PDE4D: variants seen among roughly 807,000 people sequenced by gnomAD.
The protein encoded by PDE4D is 3',5'-cyclic-AMP phosphodiesterase 4D.
Under a neutral mutation model 87.4 loss-of-function variants are expected in PDE4D, and 24 were observed. The ratio of observed to expected loss-of-function variants is 0.27; its 90% CI spans 0.20 to 0.39. PDE4D has a LOEUF of 0.39. Among genes scored for constraint, PDE4D ranks in the 10% least tolerant of loss-of-function variants. The pLI is 1.00. For synonymous variants in PDE4D, 384 were observed against 383.2 expected (o/e 1.00, Z -0.02); for missense variants, 714 against 1,041.0 (o/e 0.69, Z 4.32).
intron 3 of PDE4D, among the ~76,000 whole-genome samples, chr5:59,909,403 T>TC (rs1406794164): frequency 1.3e-5 from 2 of 151,322 alleles, no homozygotes; most frequent in African/African-American, 4.9e-5. Context: ...GGATTTTTTT[T>TC]TTCTTTTGAG....
chr5:59,615,444 C>T (rs1287143607), intron 1 of PDE4D, among the ~76,000 whole-genome samples: 5 of 50,912 alleles, frequency 9.8e-5, no homozygotes, highest in Admixed American at 2.6e-4. Flanking sequence ...ATCATAGGCA[C>T]ATAGATTAAA....
At chr5:60,111,429 A>G (rs1777674313) in intron 2 of PDE4D, among the ~76,000 whole-genome samples, 1 of 152,000 alleles carries the variant, frequency 6.6e-6, no homozygotes, top group African/African-American at 2.4e-5. Flanking sequence ...TCACCCAGAA[A>G]ACAAAAGTAT....
intron 1 of PDE4D, among the ~76,000 whole-genome samples, chr5:59,352,116 C>T (rs1780620370): frequency 6.6e-6 from 1 of 152,106 alleles, no homozygotes; most frequent in Non-Finnish European, 1.5e-5. Context: ...GGATGACATG[C>T]ATGAGCTAAT....
Position 59,817,606 on chromosome 5 carries a change from G to C in PDE4D, c.455+75562C>G, listed in dbSNP as rs188233029. ...CTCAATGTCACTATATCTGAAGATA[G>C]GGCTTTTAGTCAGTAAATAAGTTTA... On this transcript the variant is annotated intron_variant, in intron 1 of 14. Transcript: ENST00000340635. Among the ~76,000 whole-genome samples the C allele has an allele frequency of 2.0e-3, 306 of 152,270 alleles. 2 individuals are homozygous for C. Among genetic ancestry groups the C allele is most frequent in the South Asian group, 0.016 (75 of 4,820 alleles).
rs917165396 is a variant in PDE4D, at chr5:59,831,078, A to C, written c.455+62090T>G. Reference sequence around the variant, plus strand: ...ACCTGCTTAAAGAAGGAGAAAAAATAGTTTCTGAAATGGAATGAGAAAGGG... The same window carrying C: ...ACCTGCTTAAAGAAGGAGAAAAAATCGTTTCTGAAATGGAATGAGAAAGGG... On this transcript the variant is annotated intron_variant, in intron 1 of 14. Transcript: ENST00000340635. Among the ~76,000 whole-genome samples the C allele has an allele frequency of 2.6e-5, 4 of 152,056 alleles. No individual in the cohort carries two copies. In the East Asian group the frequency reaches 7.7e-4, roughly 29 times the overall value.
chr5:59,033,127 T>C (rs1757886097), intron 6 of PDE4D, among the ~76,000 whole-genome samples: 1 of 152,182 alleles, frequency 6.6e-6, no homozygotes, highest in African/African-American at 2.4e-5. Flanking sequence ...TTATAAAAGA[T>C]AAACTATTCT....
chr5:60,078,585 T>C (rs1175908843), intron 2 of PDE4D, among the ~76,000 whole-genome samples: 1 of 152,196 alleles, frequency 6.6e-6, no homozygotes, highest in Admixed American at 6.5e-5. Context: ...TCCCTCTCTG[T>C]GTCCATGTGT....
intron 2 of PDE4D, among the ~76,000 whole-genome samples, chr5:60,136,007 T>C (rs371400638): frequency 6.6e-5 from 10 of 152,162 alleles, no homozygotes; most frequent in African/African-American, 2.4e-4. Context: ...TAATTTTTCA[T>C]TGTACAGGAT....
In PDE4D at chr5:58,970,371, A is replaced by AAAATG. The variant is rs1174744793; in HGVS notation, c.*4292_*4293insCATTT. 1 of 151,330 alleles carries AAAATG rather than the reference A, an allele frequency of 6.6e-6. No homozygotes were observed. Among genetic ancestry groups the AAAATG allele is most frequent in the Non-Finnish European group, 1.5e-5 (1 of 67,980 alleles). The allele number at this position is 151,330 out of a possible 1,614,324, so 9.4% of individuals were successfully genotyped here. ...AAATCTACAGTTTGTGTCAAAAAATAAAATAAAATAAAATAAAATAGGCTC... is the reference window on the plus strand; with the variant it reads ...AAATCTACAGTTTGTGTCAAAAAATAAAATGAAATAAAATAAAATAAAATAGGCTC... On this transcript the variant is annotated 3_prime_UTR_variant, in exon 15 of 15. Coordinates refer to ENST00000340635, the MANE Select transcript of PDE4D (RefSeq NM_001104631.2).
At chr5:59,222,179 G>A (rs1752703057) in intron 1 of PDE4D, among the ~76,000 whole-genome samples, 2 of 152,144 alleles carry the variant, frequency 1.3e-5, no homozygotes, top group African/African-American at 4.8e-5. Context: ...GGAATTACTG[G>A]ATGGTAATAC....
chr5:59,738,023 C>T (rs918935192), intron 1 of PDE4D, among the ~76,000 whole-genome samples: 4 of 152,136 alleles, frequency 2.6e-5, no homozygotes, highest in African/African-American at 9.7e-5. Context: ...ATTTATTATG[C>T]ACTTGCTACT....
intron 1 of PDE4D, among the ~76,000 whole-genome samples, chr5:60,193,657 G>A (rs1425727529): frequency 4.0e-5 from 4 of 99,860 alleles, no homozygotes; most frequent in African/African-American, 1.6e-4. Flanking sequence ...GGGCGACAGC[G>A]AGACTCCGTC....
At chr5:60,049,864 C>T (rs1257309052) in intron 2 of PDE4D, among the ~76,000 whole-genome samples, 3 of 152,206 alleles carry the variant, frequency 2.0e-5, no homozygotes. Flanking sequence ...CAGAGGCAGG[C>T]AGGCCTCCTT....
chr5:60,084,819 C>G (rs374929242), intron 2 of PDE4D, among the ~76,000 whole-genome samples: 2 of 152,114 alleles, frequency 1.3e-5, no homozygotes, highest in Non-Finnish European at 2.9e-5. Context: ...CTACTTTGAA[C>G]TCCCCTAGCC....
At chr5:60,274,721 T>C (rs1056593308) in intron 1 of PDE4D, among the ~76,000 whole-genome samples, 12 of 152,186 alleles carry the variant, frequency 7.9e-5, no homozygotes, top group African/African-American at 2.9e-4. Context: ...CAACCTCAGG[T>C]ACAGAAAACC....
At chr5:59,344,252 G>T (rs1459874284) in intron 1 of PDE4D, among the ~76,000 whole-genome samples, 1 of 152,072 alleles carries the variant, frequency 6.6e-6, no homozygotes, top group African/African-American at 2.4e-5. Context: ...AGATGTATTG[G>T]CCCATGCCTT....
At chr5:59,698,617 T>C (rs57672652) in intron 1 of PDE4D, among the ~76,000 whole-genome samples, 5,125 of 152,188 alleles carry the variant, frequency 0.034, 287 homozygotes, top group African/African-American at 0.12. Flanking sequence ...ATTTTTTCTA[T>C]TTATTTATTT....
intron 1 of PDE4D, among the ~76,000 whole-genome samples, chr5:59,389,943 T>C (rs1350343482): frequency 1.3e-5 from 2 of 152,122 alleles, no homozygotes; most frequent in African/African-American, 4.8e-5. Context: ...CACAGAAAGG[T>C]GACTATAGCT....
At chr5:60,070,644 T>C (rs987997563) in intron 2 of PDE4D, among the ~76,000 whole-genome samples, 6 of 152,070 alleles carry the variant, frequency 3.9e-5, no homozygotes, top group African/African-American at 1.4e-4. Flanking sequence ...GATATTGGCC[T>C]ATAGTTTTGT....
Sources: gnomAD v4.1 joint callset for allele counts (sites outside exome capture counted in the v4.1 genomes callset) on GRCh38, gnomAD v4.1.1 for gene constraint, MANE v1.5 for transcripts, NCBI Gene and HGNC (gene_info 2026-07-23, HGNC 2026-07-21) for gene names.